FRMD4A: variants seen among roughly 807,000 people sequenced by gnomAD.
FRMD4A encodes the protein FERM domain-containing protein 4A.
FRMD4A carries 29 observed loss-of-function variants against 129.1 expected under a neutral mutation model. The ratio of observed to expected loss-of-function variants is 0.22; its 90% CI spans 0.17 to 0.31. FRMD4A has a LOEUF of 0.31. Among genes scored for constraint, FRMD4A ranks in the 10% least tolerant of loss-of-function variants. The pLI is 1.00. For synonymous variants in FRMD4A, 634 were observed against 571.6 expected, an observed-to-expected ratio of 1.11 and a Z score of -1.56; for missense variants, 1,272 against 1,375.8, an observed-to-expected ratio of 0.92 and a Z score of 1.19.
intron 2 of FRMD4A, among the ~76,000 whole-genome samples, chr10:13,978,656 G>A (rs1054537049): frequency 1.3e-5 from 2 of 152,022 alleles, no homozygotes; most frequent in Non-Finnish European, 2.9e-5. Context: ...TCTGGAAAAC[G>A]TCCCAGCTCC....
At position 13,867,489 on chromosome 10, in the gene FRMD4A, G is replaced by A. The variant is rs2131069968; in HGVS notation, c.46-8577C>T. Among the ~76,000 whole-genome samples the A allele has an allele frequency of 2.0e-5, 3 of 149,236 alleles. No homozygotes were observed. The South Asian group carries it at 6.3e-4, about 31-fold the overall frequency. ...TTGTCCAGGCTGCTCTTGAACTCCT[G>A]GGCTCAAGTGATCTTCCCACCACAG... On this transcript the variant is annotated intron_variant, in intron 2 of 24. Coordinates refer to ENST00000357447, the MANE Select transcript of FRMD4A (RefSeq NM_018027.5).
At chr10:13,732,002 C>T (rs371836241) in intron 12 of FRMD4A, among the ~76,000 whole-genome samples, 13 of 152,218 alleles carry the variant, frequency 8.5e-5, no homozygotes, top group East Asian at 1.9e-4. Context: ...CTGTGATTTT[C>T]GATTTTTTGA....
intron 2 of FRMD4A, among the ~76,000 whole-genome samples, chr10:14,017,174 G>A (rs1262245113): frequency 1.3e-5 from 2 of 152,174 alleles, no homozygotes; most frequent in Admixed American, 6.5e-5. Context: ...TCATGCCCAG[G>A]GTTTGAGGAA....
At chr10:13,898,642 A>G (rs2094785331) in intron 2 of FRMD4A, among the ~76,000 whole-genome samples, 1 of 152,210 alleles carries the variant, frequency 6.6e-6, no homozygotes, top group Non-Finnish European at 1.5e-5. Context: ...TGGAGCATAC[A>G]TGGGACAATT....
At chr10:13,972,438 G>T in intron 2 of FRMD4A, 1 of 334,830 alleles carries the variant, frequency 3.0e-6, no homozygotes, top group Non-Finnish European at 4.3e-6. Context: ...TTTAGGTTGG[G>T]ATTGAAATGG....
chr10:13,822,463 A>T (rs759768014), intron 3 of FRMD4A, among the ~76,000 whole-genome samples: 2 of 152,212 alleles, frequency 1.3e-5, no homozygotes, highest in African/African-American at 4.8e-5. Context: ...ACATTTGTGG[A>T]CTTACACCCC....
intron 2 of FRMD4A, among the ~76,000 whole-genome samples, chr10:13,925,390 G>A (rs1055339752): frequency 5.3e-5 from 8 of 151,982 alleles, no homozygotes. Context: ...TTAACCTCCT[G>A]AATGTGATCG....
intron 3 of FRMD4A, among the ~76,000 whole-genome samples, chr10:13,816,079 G>C (rs1193899857): frequency 6.6e-6 from 1 of 152,120 alleles, no homozygotes; most frequent in African/African-American, 2.4e-5. Context: ...TTCAACAATT[G>C]TACCTATCTG....
chr10:14,014,657 G>A (rs531012852), intron 2 of FRMD4A, among the ~76,000 whole-genome samples: 13 of 152,262 alleles, frequency 8.5e-5, no homozygotes, highest in African/African-American at 2.9e-4. Flanking sequence ...CCCAATATCC[G>A]TAAGAACAGG....
At chr10:14,095,313 G>A (rs1016817412) in intron 2 of FRMD4A, among the ~76,000 whole-genome samples, 72 of 152,268 alleles carry the variant, frequency 4.7e-4, no homozygotes, top group African/African-American at 1.6e-3. Flanking sequence ...AAAAGATTCT[G>A]CATGGGACTG....
At chr10:13,977,457 T>A (rs189421361) in intron 2 of FRMD4A, among the ~76,000 whole-genome samples, 1 of 152,230 alleles carries the variant, frequency 6.6e-6, no homozygotes, top group Non-Finnish European at 1.5e-5. Flanking sequence ...AGGTGGCCTA[T>A]CACTCTTTGT....
intron 2 of FRMD4A, among the ~76,000 whole-genome samples, chr10:14,265,048 C>T (rs572889901): frequency 9.8e-5 from 15 of 152,340 alleles, no homozygotes; most frequent in East Asian, 1.9e-4. Context: ...TCCCAAAGTG[C>T]TGGGATTACA....
At position 13,723,187 on chromosome 10, in the gene FRMD4A, T is replaced by A. The variant is rs540365902; in HGVS notation, c.759+14657A>T. 4.6e-5 allele frequency among the ~76,000 whole-genome samples: 7 copies of A among 152,304 alleles called. No homozygotes were observed. In the South Asian group the frequency reaches 1.5e-3, roughly 32 times the overall value. On this transcript the variant is annotated intron_variant, in intron 12 of 24. Coordinates refer to ENST00000357447, the MANE Select transcript of FRMD4A (RefSeq NM_018027.5). ...CTGGTTAGCTAGGTCTCCAAGCTGG[T>A]TAGCTAGGTTTTTATGTTGGTTAGC...
At chr10:13,749,186 GC>G (rs766804760) in intron 8 of FRMD4A, among the ~76,000 whole-genome samples, 2 of 152,182 alleles carry the variant, frequency 1.3e-5, no homozygotes, top group African/African-American at 2.4e-5. Context: ...GGAAGCCTTA[GC>G]CGGGGTTGCA....
chr10:14,119,755 T>C (rs895127085), intron 2 of FRMD4A, among the ~76,000 whole-genome samples: 3 of 152,186 alleles, frequency 2.0e-5, no homozygotes, highest in South Asian at 2.1e-4. Context: ...AAGGGACTTA[T>C]TTGGGGAGTA....
chr10:14,291,025 C>A (rs1209287529), intron 2 of FRMD4A, among the ~76,000 whole-genome samples: 1 of 152,008 alleles, frequency 6.6e-6, no homozygotes, highest in Admixed American at 6.5e-5. Flanking sequence ...AATGAAAAAA[C>A]CCAAACTGTG....
chr10:13,892,440 G>T (rs965525919), intron 2 of FRMD4A, among the ~76,000 whole-genome samples: 1 of 152,240 alleles, frequency 6.6e-6, no homozygotes, highest in East Asian at 1.9e-4. Flanking sequence ...GAGAGACCCG[G>T]GGTAGGAAAA....
intron 2 of FRMD4A, among the ~76,000 whole-genome samples, chr10:14,256,881 C>T (rs1031435364): frequency 6.6e-6 from 1 of 151,764 alleles, no homozygotes; most frequent in African/African-American, 2.4e-5. Flanking sequence ...TACATACTTA[C>T]ATGAAGTTTA....
chr10:14,113,781 T>C (rs1164434040), intron 2 of FRMD4A, among the ~76,000 whole-genome samples: 1 of 151,990 alleles, frequency 6.6e-6, no homozygotes, highest in East Asian at 1.9e-4. Context: ...TGCGCGCGCG[T>C]GTGTGCGTGT....
Sources: gnomAD v4.1 joint callset for allele counts (sites outside exome capture counted in the v4.1 genomes callset) on GRCh38, gnomAD v4.1.1 for gene constraint, MANE v1.5 for transcripts, NCBI Gene and HGNC (gene_info 2026-07-23, HGNC 2026-07-21) for gene names.